The following ZNF469 variants were observed in gnomAD, a reference collection of about 807,000 sequenced individuals.
The protein encoded by ZNF469 is zinc finger protein 469.
Under a neutral mutation model 1.0 loss-of-function variants are expected in ZNF469, and 1 was observed. The ratio of observed to expected loss-of-function variants is 1.00; its 90% CI spans 0.35 to 4.73. ZNF469 has a LOEUF of 4.73. ZNF469 is among the 30% of genes most tolerant of loss of function. The probability of loss-of-function intolerance (pLI) is 0.16; values close to 1 mark genes in which losing one functional copy is unlikely to be tolerated. For synonymous variants in ZNF469, 2,703 were observed against 2,363.4 expected (o/e 1.14, Z -4.17); for missense variants, 6,100 against 5,356.3 (o/e 1.14, Z -4.33).
chr16:88,429,426 G>T lies in ZNF469; in HGVS notation c.1956G>T (p.Glu652Asp), dbSNP rs1022087612. Residue 652 changes from glutamate (E) to aspartate (D), a missense_variant, in exon 3 of 3, where the codon GAG becomes GAT. By Grantham distance (45) the Glu-to-Asp change is conservative. Transcript: ENST00000565624. Reference protein sequence around the residue: ...QETGSPFPSPEPPHSLPTHYQ... With the variant: ...QETGSPFPSPDPPHSLPTHYQ... ...CGGGCAGCCCCTTCCCGTCCCCGGAGCCCCCCCACTCCCTCCCCACCCACT... is the reference window on the plus strand; with the variant it reads ...CGGGCAGCCCCTTCCCGTCCCCGGATCCCCCCCACTCCCTCCCCACCCACT... The T allele has an allele frequency of 1.3e-6, 2 of 1,532,500 alleles. No individual in the cohort carries two copies. Among genetic ancestry groups the T allele is most frequent in the African/African-American group, 2.8e-5 (2 of 71,790 alleles). The allele number at this position is 1,532,500 out of a possible 1,614,324, so 94.9% of individuals were successfully genotyped here.
chr16:88,183,283 A>G, the ZNF469 span, among the ~76,000 whole-genome samples: 676 of 152,290 alleles, frequency 4.4e-3, 3 homozygotes, highest in African/African-American at 0.015. Flanking sequence ...CGTACCCTTA[A>G]CACGGGCTCC....
the ZNF469 span, among the ~76,000 whole-genome samples, chr16:88,347,054 A>G: frequency 7.2e-5 from 11 of 152,188 alleles, no homozygotes; most frequent in African/African-American, 2.4e-4. Flanking sequence ...AAGAGCAGAA[A>G]TGTGGTAATG....
rs1334852369 is a variant in ZNF469, at chr16:88,429,000, C to T, written c.1530C>T (p.Gly510=). The T allele has an allele frequency of 1.4e-5, 21 of 1,549,570 alleles. No homozygotes were observed. The highest frequency in any genetic ancestry group is 1.8e-5 in the Non-Finnish European group (21 of 1,146,734). ...MLSRLPFPAG[G]PEWQGGSQGA... ...GCCGGCTGCCTTTCCCCGCGGGGGG[C>T]CCCGAGTGGCAGGGGGGCAGCCAAG... is the stretch of plus-strand genomic sequence containing the variant. Residue 510 remains glycine (G), a synonymous_variant, in exon 3 of 3, where the codon GGC becomes GGT. Coordinates refer to ENST00000565624, the MANE Select transcript of ZNF469 (RefSeq NM_001367624.2).
At position 88,438,013 on chromosome 16, in the gene ZNF469, G is replaced by A. The variant is rs535466651; in HGVS notation, c.10543G>A (p.Val3515Met). Residue 3515 changes from valine (V) to methionine (M), a missense_variant, in exon 3 of 3, where the codon GTG becomes ATG. Coordinates refer to ENST00000565624, the MANE Select transcript of ZNF469 (RefSeq NM_001367624.2). ...LPALLHLCSE[V>M]APSTTKGWPE... is the part of the protein sequence containing the mutation. ...GGCCCTGCTCCACCTGTGTTCGGAG[G>A]TGGCTCCCAGCACCACCAAGGGATG... 54 of 1,549,798 alleles carry A rather than the reference G, an allele frequency of 3.5e-5. No homozygotes were observed. The African/African-American group carries it at 6.6e-4, about 19-fold the overall frequency.
At position 88,427,529 on chromosome 16, in the gene ZNF469, C is replaced by T. The variant is rs1458466689; in HGVS notation, c.59C>T (p.Pro20Leu). The change falls in exon 3 of 3, where the codon CCC (proline) becomes CTC (leucine). Residue 20 changes from proline (P) to leucine (L), a missense_variant. Pro to Leu is a moderately conservative substitution (Grantham distance 98). Transcript: ENST00000565624. ...CCCACCATGACTGGAGACCTGCAGC[C>T]CCGCCAAGTTGCCAGCAGCCCGGGG... ...PPPTMTGDLQPRQVASSPGHP... is the reference protein window; with the variant it reads ...PPPTMTGDLQLRQVASSPGHP... The T allele has an allele frequency of 6.5e-7, 1 of 1,535,646 alleles. No individual in the cohort carries two copies. The highest frequency in any genetic ancestry group is 8.7e-7 in the Non-Finnish European group (1 of 1,145,618).
At chr16:88,266,485 C>T in the ZNF469 span, among the ~76,000 whole-genome samples, 1 of 152,154 alleles carries the variant, frequency 6.6e-6, no homozygotes, top group African/African-American at 2.4e-5. Context: ...ATGTTCAAGT[C>T]AAAATAAAAA....
the ZNF469 span, among the ~76,000 whole-genome samples, chr16:88,126,148 C>T: frequency 1.6e-4 from 22 of 138,254 alleles, no homozygotes; most frequent in African/African-American, 3.6e-4. Flanking sequence ...GAGATTGCAC[C>T]GTTGCACTCC....
chr16:88,439,741 G>C lies in ZNF469; in HGVS notation c.*409G>C. 1 of 281,364 alleles carries C rather than the reference G, an allele frequency of 3.6e-6. No homozygotes were observed. The allele number at this position is 281,364 out of a possible 1,614,324, so 17.4% of individuals were successfully genotyped here. A position where few individuals can be genotyped will look rare whatever the true frequency, so the allele number is the denominator to read the frequency against. ...AGGGAAGTAAGTTGAGGCAGCCGTGGGATGGTGGTAGGTTCCCTCTTAGTC... is the reference window on the plus strand; with the variant it reads ...AGGGAAGTAAGTTGAGGCAGCCGTGCGATGGTGGTAGGTTCCCTCTTAGTC... On this transcript the variant is annotated 3_prime_UTR_variant, in exon 3 of 3. Transcript: ENST00000565624.
the ZNF469 span, among the ~76,000 whole-genome samples, chr16:88,254,150 A>G: frequency 2.6e-5 from 4 of 152,176 alleles, no homozygotes; most frequent in Admixed American, 1.3e-4. Context: ...TCTAGGTTCT[A>G]TGTTTAGGCA....
the ZNF469 span, among the ~76,000 whole-genome samples, chr16:88,358,483 C>T: frequency 3.3e-5 from 5 of 152,122 alleles, no homozygotes; most frequent in African/African-American, 7.2e-5. Flanking sequence ...CACCCAGATC[C>T]GAACATTCCG....
chr16:88,233,520 C>A, the ZNF469 span, among the ~76,000 whole-genome samples: 1 of 152,222 alleles, frequency 6.6e-6, no homozygotes, highest in Non-Finnish European at 1.5e-5. Context: ...TACTGGATGC[C>A]GTGTTCTGGA....
Position 88,428,787 on chromosome 16 carries a change from G to C in ZNF469, c.1317G>C (p.Gln439His). 1 of 1,546,126 alleles carries C rather than the reference G, an allele frequency of 6.5e-7. No individual in the cohort carries two copies. Among genetic ancestry groups the C allele is most frequent in the Non-Finnish European group, 8.7e-7 (1 of 1,145,882 alleles). ...GGCCCCCACCCGCCAGGCTGCCCCA[G>C]CTGTGGGACCCCACAGCAGCCCCTT... ...APGPPPARLP[Q>H]LWDPTAAPYP... is the part of the protein sequence containing the mutation. Residue 439 changes from glutamine to histidine, a missense_variant, in exon 3 of 3, where the codon CAG becomes CAC. Gln to His is a conservative substitution (Grantham distance 24, BLOSUM62 0). Transcript: ENST00000565624.
At chr16:88,182,406 G>A in the ZNF469 span, among the ~76,000 whole-genome samples, 1 of 151,896 alleles carries the variant, frequency 6.6e-6, no homozygotes, top group Non-Finnish European at 1.5e-5. Flanking sequence ...AAATTAAAAG[G>A]CACTTAAATA....
chr16:88,135,268 C>T, the ZNF469 span, among the ~76,000 whole-genome samples: 12 of 152,280 alleles, frequency 7.9e-5, no homozygotes, highest in Admixed American at 7.8e-4. Flanking sequence ...CCCAGTCTCC[C>T]CCGAGGAATC....
the ZNF469 span, among the ~76,000 whole-genome samples, chr16:88,143,843 C>T: frequency 6.6e-6 from 1 of 152,214 alleles, no homozygotes; most frequent in Non-Finnish European, 1.5e-5. Context: ...CCTGCATCTT[C>T]ACTTGTCTGC....
At chr16:88,279,926 G>T in the ZNF469 span, among the ~76,000 whole-genome samples, 1 of 150,604 alleles carries the variant, frequency 6.6e-6, no homozygotes, top group Non-Finnish European at 1.5e-5. Flanking sequence ...TCAGTACCGT[G>T]TAGATATCAG....
At chr16:88,217,474 G>A in the ZNF469 span, among the ~76,000 whole-genome samples, 1 of 151,056 alleles carries the variant, frequency 6.6e-6, no homozygotes, top group East Asian at 1.9e-4. Context: ...AAGTTTTAGG[G>A]TACATGTGCA....
chr16:88,284,610 C>CAA, the ZNF469 span, among the ~76,000 whole-genome samples: 781 of 108,842 alleles, frequency 7.2e-3, 34 homozygotes, highest in South Asian at 0.093. Context: ...GATCCCATCT[C>CAA]AAAAAAAAAA....
chr16:88,421,636 C>T (rs1905460991), intron 1 of ZNF469, among the ~76,000 whole-genome samples: 2 of 152,186 alleles, frequency 1.3e-5, no homozygotes, highest in African/African-American at 4.8e-5. Context: ...AAGTTCTGCC[C>T]GCAAGCTGGG....
Sources: allele counts gnomAD v4.1 joint callset (sites outside exome capture counted in the v4.1 genomes callset), GRCh38; gene constraint gnomAD v4.1.1; transcripts MANE v1.5; gene names NCBI Gene and HGNC (gene_info 2026-07-23, HGNC 2026-07-21).